Variants in CETN3 observed in about 807,000 individuals in gnomAD.
CETN3 encodes the protein centrin 3.
CETN3 carries 17 observed loss-of-function variants against 20.1 expected under a neutral mutation model. The observed-to-expected ratio is 0.85, with a 90% confidence interval of 0.58 to 1.27. CETN3 has a LOEUF of 1.27. CETN3 is among the 50% of genes most tolerant of loss of function. CETN3 has a pLI of 0.00. For missense variants in CETN3, 169 were observed against 191.2 expected (o/e 0.88, Z 0.69); for synonymous variants, 52 against 59.7 (o/e 0.87, Z 0.59).
At position 90,407,713 on chromosome 5, in the gene CETN3, A is replaced by G. The variant is rs745779648; in HGVS notation, c.139T>C (p.Tyr47His). 6.5e-7 allele frequency: 1 copy of G among 1,531,148 alleles called. No individual in the cohort carries two copies. The highest frequency in any genetic ancestry group is 8.9e-7 in the Non-Finnish European group (1 of 1,128,456). 94.8% of individuals were successfully genotyped at this position (1,531,148 alleles called of 1,614,324 possible). Residue 47 changes from tyrosine (Y) to histidine (H), a missense_variant, in exon 2 of 5, where the codon TAT (tyrosine) becomes CAT (histidine). By Grantham distance (83) the Tyr-to-His change is moderately conservative. Coordinates refer to ENST00000283122, the MANE Select transcript of CETN3 (RefSeq NM_004365.4). The stretch of plus-strand genomic sequence containing the variant: ...TATACCATTACCTTTAATTCATGAT[A>G]ATCTATTGCTTCATCTTTGTCTGTA... Reference protein sequence around the residue: ...FDTDKDEAIDYHELKVAMRAL... With the variant: ...FDTDKDEAIDHHELKVAMRAL...
intron 4 of CETN3, chr5:90,395,680 G>GA (rs1259802605): frequency 5.5e-6 from 1 of 182,090 alleles, no homozygotes; most frequent in South Asian, 1.9e-4. Flanking sequence ...AAATGATTGA[G>GA]AAAAAAATAT....
At chr5:90,403,426 G>C (rs1246057962) in intron 3 of CETN3, among the ~76,000 whole-genome samples, 1 of 152,188 alleles carries the variant, frequency 6.6e-6, no homozygotes, top group Non-Finnish European at 1.5e-5. Context: ...CCTGTCAAAA[G>C]GTTAATCTTT....
intron 1 of CETN3, among the ~76,000 whole-genome samples, chr5:90,409,015 A>G (rs1749545910): frequency 6.6e-6 from 1 of 152,034 alleles, no homozygotes; most frequent in Non-Finnish European, 1.5e-5. Context: ...AACATGGAAT[A>G]TTTTCGGAGT....
In CETN3 at chr5:90,409,652, C is replaced by T; in HGVS notation, c.10G>A (p.Ala4Thr). The change falls in exon 1 of 5, where the codon GCT becomes ACT. Residue 4 changes from alanine to threonine, a missense_variant. Ala to Thr is a moderately conservative substitution (Grantham distance 58). Transcript: ENST00000283122. ...CGCCTCCTTATTACCGACCTCAGAG[C>T]TAAACTCATTATCTCTTCGCACAGA... MSLALRSELVVDKT... is the reference protein window; with the variant it reads MSLTLRSELVVDKT... The T allele has an allele frequency of 6.2e-7, 1 of 1,614,162 alleles. No homozygotes were observed. The highest frequency in any genetic ancestry group is 1.3e-5 in the African/African-American group (1 of 75,036).
chr5:90,400,384 G>C (rs1749254290), intron 3 of CETN3, among the ~76,000 whole-genome samples: 1 of 151,868 alleles, frequency 6.6e-6, no homozygotes, highest in Non-Finnish European at 1.5e-5. Context: ...AATTTTACCA[G>C]TCTTTAATCA....
At chr5:90,394,219 T>C (rs1016625394) in intron 4 of CETN3, 112 bp from the exon 5 acceptor site, 2 of 653,310 alleles carry the variant, frequency 3.1e-6, no homozygotes, top group Non-Finnish European at 5.2e-6. Flanking sequence ...TATGCAAAAT[T>C]ATTACATTAA....
At chr5:90,405,199 C>T (rs1043903024) in intron 3 of CETN3, among the ~76,000 whole-genome samples, 1 of 152,130 alleles carries the variant, frequency 6.6e-6, no homozygotes, top group Non-Finnish European at 1.5e-5. Context: ...CTCTCATAAA[C>T]TTTGTCAACC....
In CETN3 at chr5:90,394,696, C is replaced by T. The variant is rs577281351; in HGVS notation, c.461-589G>A. Among the ~76,000 whole-genome samples, 18 of 151,984 alleles carry T rather than the reference C, an allele frequency of 1.2e-4. No homozygotes were observed. The East Asian group carries it at 2.3e-3, about 20-fold the overall frequency. On this transcript the variant is annotated intron_variant, in intron 4 of 4. Coordinates refer to ENST00000283122, the MANE Select transcript of CETN3 (RefSeq NM_004365.4). ...TAAAAATGGCAATTTGAAAAGATTA[C>T]AGATGTAATCTTAATCACCAAAGTA...
chr5:90,398,613 G>A (rs2151882240), intron 4 of CETN3, among the ~76,000 whole-genome samples: 1 of 152,294 alleles, frequency 6.6e-6, no homozygotes, highest in South Asian at 2.1e-4. Flanking sequence ...CATACAGGAG[G>A]TGAGGGTTAA....
At chr5:90,403,090 T>C (rs1333439766) in intron 3 of CETN3, among the ~76,000 whole-genome samples, 3 of 152,258 alleles carry the variant, frequency 2.0e-5, no homozygotes, top group Non-Finnish European at 4.4e-5. Flanking sequence ...CAGGCTGTCT[T>C]GACTCTAAAC....
At position 90,399,486 on chromosome 5, in the gene CETN3, T is replaced by C. The variant is rs765211712; in HGVS notation, c.332A>G (p.Asp111Gly). The change falls in exon 4 of 5, where the codon GAT becomes GGT. Residue 111 changes from aspartate (D) to glycine (G), a missense_variant. Coordinates refer to ENST00000283122, the MANE Select transcript of CETN3 (RefSeq NM_004365.4). ...GCTTATTTTACCTGAATCATCATCA[T>C]CAAATAGTTTAAATGCCTTGAGTAT... Reference protein sequence around the residue: ...EEILKAFKLFDDDDSGKISLR... With the variant: ...EEILKAFKLFGDDDSGKISLR... The C allele has an allele frequency of 1.9e-6, 3 of 1,613,824 alleles. No homozygotes were observed. The Admixed American group carries it at 5.0e-5, about 27-fold the overall frequency.
chr5:90,408,159 TCCAA>T (rs1209653837), intron 1 of CETN3, among the ~76,000 whole-genome samples: 8 of 152,012 alleles, frequency 5.3e-5, no homozygotes, highest in Non-Finnish European at 8.8e-5. Context: ...TGTCTGAAAC[TCCAA>T]CCAACTCCAA....
intron 1 of CETN3, among the ~76,000 whole-genome samples, chr5:90,408,461 A>G (rs899574583): frequency 2.6e-5 from 4 of 152,340 alleles, no homozygotes; most frequent in African/African-American, 9.6e-5. Context: ...ATGAGTCTAA[A>G]CATATGACAA....
In CETN3 at chr5:90,393,812, A is replaced by G; in HGVS notation, c.*252T>C. 1 of 279,998 alleles carries G rather than the reference A, an allele frequency of 3.6e-6. No homozygotes were observed. The highest frequency in any genetic ancestry group is 6.6e-6 in the Non-Finnish European group (1 of 151,656). 17.3% of individuals were successfully genotyped at this position (279,998 alleles called of 1,614,324 possible). The stretch of plus-strand genomic sequence containing the variant: ...TTAAATTAAAAAACCTTCAAAGAAC[A>G]CATATCACACATTCAATTTTTAAAA... On this transcript the variant is annotated 3_prime_UTR_variant, in exon 5 of 5. Transcript: ENST00000283122.
intron 4 of CETN3, among the ~76,000 whole-genome samples, chr5:90,398,779 G>A (rs1378356250): frequency 1.3e-5 from 2 of 152,168 alleles, no homozygotes; most frequent in African/African-American, 2.4e-5. Flanking sequence ...TTTAGGAAAA[G>A]AATGATACCA....
intron 3 of CETN3, among the ~76,000 whole-genome samples, chr5:90,400,493 A>C (rs911099736): frequency 1.3e-5 from 2 of 151,840 alleles, no homozygotes; most frequent in African/African-American, 4.8e-5. Flanking sequence ...CTCTGAAGTA[A>C]TTATATACAC....
At chr5:90,397,792 G>A (rs1749169665) in intron 4 of CETN3, among the ~76,000 whole-genome samples, 1 of 152,012 alleles carries the variant, frequency 6.6e-6, no homozygotes, top group African/African-American at 2.4e-5. Context: ...GATAACCTGG[G>A]CAGATTAATA....
At position 90,405,782 on chromosome 5, in the gene CETN3, C is replaced by G. The variant is rs1432934573; in HGVS notation, c.171G>C (p.Leu57Phe). The G allele has an allele frequency of 3.7e-6, 6 of 1,609,080 alleles. No homozygotes were observed. Among genetic ancestry groups the G allele is most frequent in the Non-Finnish European group, 5.1e-6 (6 of 1,177,816 alleles). Residue 57 changes from leucine to phenylalanine, a missense_variant, in exon 3 of 5, where the codon TTG becomes TTC. Coordinates refer to ENST00000283122, the MANE Select transcript of CETN3 (RefSeq NM_004365.4). ...CATCAGCTTTTTTTACATCAAACCCCAAGGCTCTCATTGCCACCTTTTGGA... is the reference window on the plus strand; with the variant it reads ...CATCAGCTTTTTTTACATCAAACCCGAAGGCTCTCATTGCCACCTTTTGGA... ...YHELKVAMRA[L>F]GFDVKKADVL... is the part of the protein sequence containing the mutation.
intron 2 of CETN3, among the ~76,000 whole-genome samples, chr5:90,406,288 A>G (rs1342096067): frequency 6.6e-6 from 1 of 152,034 alleles, no homozygotes; most frequent in Non-Finnish European, 1.5e-5. Flanking sequence ...AATAATAAGG[A>G]AGGAGACATA....
Sources: allele counts gnomAD v4.1 joint callset (sites outside exome capture counted in the v4.1 genomes callset), GRCh38; gene constraint gnomAD v4.1.1; transcripts MANE v1.5; gene names NCBI Gene and HGNC (gene_info 2026-07-23, HGNC 2026-07-21).